The following PTH2R variants were observed in gnomAD, a reference collection of about 807,000 sequenced individuals.
PTH2R encodes the protein PTH2 receptor.
PTH2R carries 59 observed loss-of-function variants against 60.3 expected under a neutral mutation model. The observed-to-expected ratio is 0.98, with a 90% confidence interval of 0.79 to 1.22. The LOEUF (loss-of-function observed/expected upper bound fraction) is 1.22, where lower values mean the gene tolerates loss of function less well. Ranked by LOEUF, PTH2R falls within the 50% of genes most tolerant of loss-of-function variation. PTH2R has a pLI of 0.00. For synonymous variants in PTH2R, 256 were observed against 243.8 expected (o/e 1.05, Z -0.47); for missense variants, 749 against 682.6 (o/e 1.10, Z -1.08).
chr2:208,376,635 AGAGT>A (rs1245231957), intron 1 of PTH2R, among the ~76,000 whole-genome samples: 1 of 152,116 alleles, frequency 6.6e-6, no homozygotes, highest in Non-Finnish European at 1.5e-5. Context: ...TTAAGTAATA[AGAGT>A]AAGAAAAAAG....
intron 1 of PTH2R, among the ~76,000 whole-genome samples, chr2:208,388,433 A>C (rs1003123132): frequency 1.3e-5 from 2 of 152,174 alleles, no homozygotes; most frequent in Non-Finnish European, 2.9e-5. Flanking sequence ...GACGTTCCAC[A>C]CTATCCTTCA....
intron 8 of PTH2R, among the ~76,000 whole-genome samples, chr2:208,453,923 G>A (rs781035340): frequency 4.3e-4 from 65 of 152,164 alleles, no homozygotes; most frequent in Non-Finnish European, 2.1e-4. Context: ...TAACTTTTAA[G>A]GCCCGATCAT....
intron 2 of PTH2R, among the ~76,000 whole-genome samples, chr2:208,429,051 C>T (rs1393384308): frequency 6.8e-6 from 1 of 147,436 alleles, no homozygotes; most frequent in African/African-American, 2.5e-5. Flanking sequence ...CACCATTGAA[C>T]TCCAGCCTGG....
intron 10 of PTH2R, among the ~76,000 whole-genome samples, chr2:208,482,497 T>G (rs1048725835): frequency 3.3e-5 from 5 of 152,164 alleles, no homozygotes; most frequent in African/African-American, 1.2e-4. Context: ...AACATAACAT[T>G]TGTATGCAGA....
chr2:208,487,458 TA>T (rs1703297559), intron 10 of PTH2R, among the ~76,000 whole-genome samples: 1 of 152,180 alleles, frequency 6.6e-6, no homozygotes, highest in Non-Finnish European at 1.5e-5. Context: ...ATATTTGCAA[TA>T]ATTATGAAAG....
At chr2:208,431,237 T>G (rs1448964829) in intron 2 of PTH2R, among the ~76,000 whole-genome samples, 1 of 152,232 alleles carries the variant, frequency 6.6e-6, no homozygotes, top group Non-Finnish European at 1.5e-5. Flanking sequence ...TTTGATTATA[T>G]TTTTATTTTC....
At chr2:208,456,067 C>T (rs1350941618) in intron 8 of PTH2R, among the ~76,000 whole-genome samples, 1 of 151,898 alleles carries the variant, frequency 6.6e-6, no homozygotes, top group Non-Finnish European at 1.5e-5. Context: ...GGTGAAACTC[C>T]GTCTCTACTA....
At chr2:208,489,253 C>A (rs1703348692) in intron 11 of PTH2R, 103 bp downstream of exon 11, 2 of 1,445,948 alleles carry the variant, frequency 1.4e-6, no homozygotes, top group Admixed American at 1.9e-5. Context: ...CTTTGATGCA[C>A]CTGTCTGGGG....
rs1702256835 is a variant in PTH2R, at chr2:208,444,819, A to G, written c.785A>G (p.His262Arg). 21 of 1,614,018 alleles carry G rather than the reference A, an allele frequency of 1.3e-5. No individual in the cohort carries two copies. The East Asian group carries it at 4.5e-4, about 34-fold the overall frequency. ...YWILVEGLYL[H>R]NLIFVAFFSD... is the part of the protein sequence containing the mutation. ...ATCCTGGTGGAAGGTCTCTACCTGC[A>G]TAATCTCATCTTTGTGGCTTTCTTT... The change falls in exon 7 of 13, where the codon CAT (histidine) becomes CGT (arginine). Residue 262 changes from histidine (H) to arginine (R), a missense_variant. Physicochemically the swap from His to Arg is conservative, Grantham distance 29. Transcript: ENST00000272847.
At chr2:208,439,193 C>G (rs1702134893) in intron 4 of PTH2R, among the ~76,000 whole-genome samples, 1 of 151,892 alleles carries the variant, frequency 6.6e-6, no homozygotes, top group Non-Finnish European at 1.5e-5. Flanking sequence ...ATCTTATAAC[C>G]ATTTTCTGTG....
intron 1 of PTH2R, among the ~76,000 whole-genome samples, chr2:208,390,277 A>G (rs1257501901): frequency 6.6e-6 from 1 of 151,982 alleles, no homozygotes; most frequent in Admixed American, 6.5e-5. Context: ...ATGTTTGGAG[A>G]GAGTGTTCTT....
intron 8 of PTH2R, among the ~76,000 whole-genome samples, chr2:208,451,706 A>G (rs1702411016): frequency 2.0e-5 from 3 of 152,174 alleles, no homozygotes; most frequent in African/African-American, 4.8e-5. Context: ...TAATAAACAC[A>G]TATTAGAAGT....
intron 1 of PTH2R, among the ~76,000 whole-genome samples, chr2:208,394,000 G>A (rs911370577): frequency 2.0e-5 from 3 of 152,214 alleles, no homozygotes; most frequent in African/African-American, 7.2e-5. Flanking sequence ...TAGCTCTGGG[G>A]AACTATTCCC....
intron 9 of PTH2R, among the ~76,000 whole-genome samples, chr2:208,471,760 C>T (rs915770705): frequency 1.3e-5 from 2 of 152,172 alleles, no homozygotes; most frequent in Non-Finnish European, 2.9e-5. Flanking sequence ...GTCCTCCAGA[C>T]CCCAGAATGG....
chr2:208,471,638 C>T (rs1430886386), intron 9 of PTH2R, among the ~76,000 whole-genome samples: 2 of 152,248 alleles, frequency 1.3e-5, no homozygotes, highest in Non-Finnish European at 2.9e-5. Context: ...AAGGGCAAGG[C>T]CCTCATGGAG....
intron 10 of PTH2R, 51 bp from the exon 11 acceptor site, chr2:208,488,961 A>G: frequency 6.2e-7 from 1 of 1,602,414 alleles, no homozygotes; most frequent in South Asian, 1.1e-5. Context: ...CGCTGTCTTT[A>G]CTGAAAGGCA....
chr2:208,411,981 GATTATTTCTAAGC>G (rs1701548624), intron 1 of PTH2R, among the ~76,000 whole-genome samples: 1 of 152,134 alleles, frequency 6.6e-6, no homozygotes, highest in African/African-American at 2.4e-5. Flanking sequence ...ACTAGATTAA[GATTATTTCTAAGC>G]ATTAGTGAGA....
chr2:208,456,394 C>T (rs765726305), intron 8 of PTH2R, among the ~76,000 whole-genome samples: 3 of 152,138 alleles, frequency 2.0e-5, no homozygotes, highest in Non-Finnish European at 4.4e-5. Context: ...TTCTCTTTGC[C>T]TCATTCGAAG....
At chr2:208,455,231 A>G (rs1702486725) in intron 8 of PTH2R, among the ~76,000 whole-genome samples, 1 of 152,206 alleles carries the variant, frequency 6.6e-6, no homozygotes, top group African/African-American at 2.4e-5. Context: ...TTGCATCAGT[A>G]AAGAGGTACT....
Sources: gnomAD v4.1 joint callset for allele counts (sites outside exome capture counted in the v4.1 genomes callset) on GRCh38, gnomAD v4.1.1 for gene constraint, MANE v1.5 for transcripts, NCBI Gene and HGNC (gene_info 2026-07-23, HGNC 2026-07-21) for gene names.